The following CFAP36 variants were observed in gnomAD, a reference collection of about 807,000 sequenced individuals.
CFAP36 encodes the protein cilia and flagella associated protein 36.
In CFAP36, 37 loss-of-function variants were observed where a neutral mutation model predicts 50.5. That is an observed-to-expected ratio of 0.73 (90% CI 0.56 to 0.96). The LOEUF is 0.96. Among genes scored for constraint, CFAP36 ranks in the 50% least tolerant of loss-of-function variants. CFAP36 has a pLI of 0.00. For synonymous variants in CFAP36, 138 were observed against 128.2 expected (o/e 1.08, Z -0.52); for missense variants, 407 against 396.2 (o/e 1.03, Z -0.23).
Position 55,544,088 on chromosome 2 carries a change from ATCACT to A in CFAP36, c.777+16_777+20del. Reference sequence around the variant, plus strand: ...GGACCAATAGCAGTAAGTAAACGACATCACTTAAGAACTATAAGCAAAATGACAAG... The same window carrying A: ...GGACCAATAGCAGTAAGTAAACGACATAAGAACTATAAGCAAAATGACAAG... On this transcript the variant is annotated intron_variant, in intron 8 of 9. Coordinates refer to ENST00000349456, the MANE Select transcript of CFAP36 (RefSeq NM_080667.7). 6.2e-7 allele frequency: 1 copy of A among 1,613,276 alleles called. No individual in the cohort carries two copies. The highest frequency in any genetic ancestry group is 1.7e-5 in the Admixed American group (1 of 59,788).
intron 6 of CFAP36, 166 bp downstream of exon 6, chr2:55,535,929 G>T: frequency 1.5e-6 from 2 of 1,320,328 alleles, no homozygotes; most frequent in South Asian, 3.7e-5. Flanking sequence ...TATGTATGTC[G>T]TGCATTACTG....
chr2:55,543,190 A>G (rs1684684986), intron 7 of CFAP36, among the ~76,000 whole-genome samples: 1 of 151,926 alleles, frequency 6.6e-6, no homozygotes, highest in African/African-American at 2.4e-5. Context: ...TGCTTGTCTC[A>G]GTGTGCTTTC....
chr2:55,544,804 C>A (rs1240555368), intron 9 of CFAP36, 103 bp from the exon 10 acceptor site: 3 of 687,720 alleles, frequency 4.4e-6, no homozygotes, highest in Non-Finnish European at 7.5e-6. Flanking sequence ...CTCCGTCCCA[C>A]AAGAAGGTGC....
intron 7 of CFAP36, among the ~76,000 whole-genome samples, chr2:55,543,507 C>T (rs1019713844): frequency 2.0e-5 from 3 of 152,126 alleles, no homozygotes; most frequent in Non-Finnish European, 4.4e-5. Context: ...TATAGTTTTA[C>T]ATTAATTGTT....
intron 1 of CFAP36, among the ~76,000 whole-genome samples, chr2:55,520,665 C>T (rs1684038544): frequency 6.6e-6 from 1 of 152,144 alleles, no homozygotes; most frequent in Non-Finnish European, 1.5e-5. Context: ...AGCCCATTCG[C>T]AGAAAAGGAA....
intron 5 of CFAP36, among the ~76,000 whole-genome samples, chr2:55,534,424 G>A (rs755836963): frequency 6.6e-6 from 1 of 152,202 alleles, no homozygotes; most frequent in Non-Finnish European, 1.5e-5. Context: ...TGACAGAGGC[G>A]TCTATCCCAG....
At chr2:55,526,416 T>C (rs1684208576) in intron 3 of CFAP36, among the ~76,000 whole-genome samples, 2 of 152,220 alleles carry the variant, frequency 1.3e-5, no homozygotes, top group South Asian at 4.1e-4. Flanking sequence ...TCACCTTTAA[T>C]TCTAGGAATA....
chr2:55,527,305 A>G (rs111339669), intron 3 of CFAP36, among the ~76,000 whole-genome samples: 3,638 of 152,194 alleles, frequency 0.024, 151 homozygotes, highest in African/African-American at 0.083. Flanking sequence ...CCTTCAGGCC[A>G]GGCACGGTGG....
chr2:55,542,454 G>T (rs138752197), intron 7 of CFAP36, among the ~76,000 whole-genome samples: 1 of 152,160 alleles, frequency 6.6e-6, no homozygotes, highest in African/African-American at 2.4e-5. Context: ...CCTTTTGCCT[G>T]TCTTTCCCTC....
intron 1 of CFAP36, chr2:55,520,414 A>T: frequency 3.9e-6 from 6 of 1,545,822 alleles, no homozygotes; most frequent in Non-Finnish European, 5.2e-6. Context: ...GTTAACTGCA[A>T]AGGAGGGCAT....
intron 4 of CFAP36, 61 bp from the exon 5 acceptor site, chr2:55,533,812 T>G: frequency 1.6e-4 from 151 of 972,694 alleles, no homozygotes; most frequent in Non-Finnish European, 2.1e-4. Context: ...ACGAGAACAG[T>G]GAGAAATATA....
At chr2:55,520,006 C>T (rs1489779528) in intron 1 of CFAP36, 90 bp downstream of exon 1, 2 of 1,160,502 alleles carry the variant, frequency 1.7e-6, no homozygotes, top group Admixed American at 4.0e-5. Flanking sequence ...CATCTCTCGT[C>T]TCCCCGACCC....
chr2:55,539,063 G>A (rs531843467), intron 7 of CFAP36: 3 of 486,946 alleles, frequency 6.2e-6, no homozygotes, highest in South Asian at 1.2e-4. Context: ...TCCCATTATC[G>A]ACCCCCTCAA....
At position 55,519,763 on chromosome 2, in the gene CFAP36, C is replaced by A; in HGVS notation, c.-39C>A. The A allele has an allele frequency of 8.7e-6, 14 of 1,606,174 alleles. No homozygotes were observed. Among genetic ancestry groups the A allele is most frequent in the Non-Finnish European group, 1.2e-5 (14 of 1,173,186 alleles). On this transcript the variant is annotated 5_prime_UTR_variant, in exon 1 of 10. The change creates a new upstream start codon in the 5' untranslated region. Coordinates refer to ENST00000349456, the MANE Select transcript of CFAP36 (RefSeq NM_080667.7). ...AAAGGCCTAACCGGGGTCCGGCGGT[C>A]TGGCCTAGGGATCTTCCCCGTTGCC...
Position 55,544,985 on chromosome 2 carries a change from AAAG to A in CFAP36, c.1013_1015del (p.Glu338del), listed in dbSNP as rs528334905. ...GAGGAGATTGCTTGCAGAGAAACTCAAAGAAGAAGTTATTAATAAGTAATAATT... is the reference window on the plus strand; with the variant it reads ...GAGGAGATTGCTTGCAGAGAAACTCAAAGAAGTTATTAATAAGTAATAATT... On this transcript the variant is annotated inframe_deletion, in exon 10 of 10. Transcript: ENST00000349456. 163 of 1,591,510 alleles carry A rather than the reference AAAG, an allele frequency of 1.0e-4. 1 individual carries two copies. The highest frequency in any genetic ancestry group is 2.6e-4 in the South Asian group (23 of 87,534).
chr2:55,538,959 C>T, intron 7 of CFAP36: 1 of 1,395,172 alleles, frequency 7.2e-7, no homozygotes, highest in Non-Finnish European at 9.4e-7. Flanking sequence ...CTTTAATATG[C>T]CTAATTTAAG....
At chr2:55,534,011 T>C in intron 5 of CFAP36, 51 bp downstream of exon 5, 4 of 1,109,044 alleles carry the variant, frequency 3.6e-6, no homozygotes, top group South Asian at 1.4e-5. Flanking sequence ...TATTATATGA[T>C]CTGTACATAT....
At chr2:55,535,857 G>C (rs756451826) in intron 6 of CFAP36, 94 bp downstream of exon 6, 1 of 1,440,950 alleles carries the variant, frequency 6.9e-7, no homozygotes, top group Admixed American at 3.0e-5. Flanking sequence ...TACTTATGTG[G>C]AACTACATAA....
Position 55,544,314 on chromosome 2 carries a change from G to A in CFAP36, c.872G>A (p.Arg291Lys), listed in dbSNP as rs1684718009. 1.9e-6 allele frequency: 3 copies of A among 1,613,808 alleles called. No individual in the cohort carries two copies. The highest frequency in any genetic ancestry group is 1.1e-5 in the South Asian group (1 of 91,042). Residue 291 changes from arginine to lysine, a missense_variant, in exon 9 of 10, where the codon AGG (arginine) becomes AAG (lysine). Coordinates refer to ENST00000349456, the MANE Select transcript of CFAP36 (RefSeq NM_080667.7). The part of the protein sequence containing the change: ...DKLMSMRKDM[R>K]TKQIQNMEQK... ...TTGATGTCCATGAGAAAGGATATGAGGACTAAACAGATACAAAATATGGAG... is the reference window on the plus strand; with the variant it reads ...TTGATGTCCATGAGAAAGGATATGAAGACTAAACAGATACAAAATATGGAG...
Sources: allele counts gnomAD v4.1 joint callset (sites outside exome capture counted in the v4.1 genomes callset), GRCh38; gene constraint gnomAD v4.1.1; transcripts MANE v1.5; gene names NCBI Gene and HGNC (gene_info 2026-07-23, HGNC 2026-07-21).